SLC25A51: variants seen among roughly 807,000 people sequenced by gnomAD.
SLC25A51 encodes mitochondrial nicotinamide adenine dinucleotide transporter SLC25A51.
A neutral mutation model predicts 19.1 loss-of-function variants in SLC25A51; 11 were observed. The observed-to-expected ratio is 0.58, with a 90% CI of 0.36 to 0.96. The LOEUF (loss-of-function observed/expected upper bound fraction) is 0.96. Ranked by LOEUF, SLC25A51 falls within the 40% of genes least tolerant of loss-of-function variation. SLC25A51 has a pLI of 0.01. For synonymous variants in SLC25A51, 105 were observed against 133.6 expected (o/e 0.79, Z 1.47); for missense variants, 201 against 365.4 (o/e 0.55, Z 3.67).
chr9:37,885,366 A>AAC (rs1554693033), downstream of SLC25A51, among the ~76,000 whole-genome samples: 1 of 143,494 alleles, frequency 7.0e-6, no homozygotes, highest in Non-Finnish European at 1.5e-5. Flanking sequence ...AAAAAAAAAA[A>AAC]AACCTTGTAT....
chr9:37,895,631 A>G (rs7030885), intron 2 of SLC25A51, among the ~76,000 whole-genome samples: 11,184 of 152,134 alleles, frequency 0.074, 1,128 homozygotes, highest in African/African-American at 0.22. Context: ...AGTATCTTTT[A>G]GATATGAAGC....
At chr9:37,891,951 A>C (rs1366435216) in intron 2 of SLC25A51, among the ~76,000 whole-genome samples, 1 of 151,444 alleles carries the variant, frequency 6.6e-6, no homozygotes, top group African/African-American at 2.4e-5. Context: ...CAGGCTTTTA[A>C]CAGCAAATAA....
At chr9:37,902,536 G>A (rs1030403639) in intron 1 of SLC25A51, among the ~76,000 whole-genome samples, 5 of 152,184 alleles carry the variant, frequency 3.3e-5, no homozygotes, top group African/African-American at 9.7e-5. Flanking sequence ...AGGATAATGT[G>A]CACAGCATTA....
intron 2 of SLC25A51, among the ~76,000 whole-genome samples, chr9:37,898,480 C>T (rs1035680531): frequency 6.6e-6 from 1 of 151,402 alleles, no homozygotes; most frequent in East Asian, 1.9e-4. Flanking sequence ...GCTTGAACCT[C>T]GGAGGCGGAG....
At chr9:37,898,511 T>C (rs1306885322) in intron 2 of SLC25A51, among the ~76,000 whole-genome samples, 1 of 150,554 alleles carries the variant, frequency 6.6e-6, no homozygotes, top group African/African-American at 2.5e-5. Flanking sequence ...GTTGAGATTA[T>C]GCCATTGCAC....
intron 2 of SLC25A51, among the ~76,000 whole-genome samples, chr9:37,889,463 G>T (rs1313118887): frequency 6.6e-6 from 1 of 152,138 alleles, no homozygotes; most frequent in Non-Finnish European, 1.5e-5. Flanking sequence ...GAAGGTGGAG[G>T]TGTGGGATGA....
At chr9:37,897,928 T>G (rs560244351) in intron 2 of SLC25A51, among the ~76,000 whole-genome samples, 29 of 152,282 alleles carry the variant, frequency 1.9e-4, no homozygotes, top group Non-Finnish European at 3.4e-4. Flanking sequence ...CCCCTGCCCA[T>G]CTGTAGGACT....
downstream of SLC25A51, chr9:37,885,533 G>A (rs1831434470): frequency 5.1e-6 from 3 of 585,296 alleles, no homozygotes; most frequent in African/African-American, 1.9e-5. Flanking sequence ...AGGACTACAG[G>A]CGCCCGCCAC....
downstream of SLC25A51, chr9:37,886,022 C>G: frequency 3.7e-5 from 59 of 1,613,598 alleles, no homozygotes; most frequent in Non-Finnish European, 5.0e-5. Flanking sequence ...ATCATTTGCC[C>G]CTATCTATGC....
downstream of SLC25A51, chr9:37,885,701 G>T: frequency 7.2e-7 from 1 of 1,387,606 alleles, no homozygotes; most frequent in Non-Finnish European, 1.0e-6. Context: ...CGGAGATCCT[G>T]ATGTTTCTCA....
chr9:37,899,988 C>CTTTTTTTTTT lies in SLC25A51; in HGVS notation c.-164-48_-164-39dup, dbSNP rs35821924. ...AAAATTCTGGTTTAATTTATATAGC[C>CTTTTTTTTTT]TTTTTTTTTTTTTTTTTTTTTTTTT... On this transcript the variant is annotated intron_variant, in intron 1 of 2. Coordinates refer to ENST00000242275, the MANE Select transcript of SLC25A51 (RefSeq NM_033412.4). 38 of 57,084 alleles carry CTTTTTTTTTT rather than the reference C, an allele frequency of 6.7e-4. 6 individuals are homozygous for CTTTTTTTTTT. Among genetic ancestry groups the CTTTTTTTTTT allele is most frequent in the East Asian group, 1.9e-3 (3 of 1,616 alleles). 3.5% of individuals were successfully genotyped at this position (57,084 alleles called of 1,614,324 possible).
At chr9:37,890,290 G>A (rs1267501959) in intron 2 of SLC25A51, among the ~76,000 whole-genome samples, 3 of 152,276 alleles carry the variant, frequency 2.0e-5, no homozygotes, top group South Asian at 2.1e-4. Flanking sequence ...ATGCTGAGGT[G>A]GGAGGATCAA....
chr9:37,884,970 A>T (rs1831416634), downstream of SLC25A51, among the ~76,000 whole-genome samples: 1 of 152,250 alleles, frequency 6.6e-6, no homozygotes, highest in African/African-American at 2.4e-5. Flanking sequence ...GAAATAGTAT[A>T]ATGCCTATCC....
rs115223451 is a variant in SLC25A51 at position 37,900,222 on chromosome 9, G to A, written c.-164-272C>T. On this transcript the variant is annotated intron_variant, in intron 1 of 2. Transcript: ENST00000242275. ...ATCACTTTGGGAGGCCAAGGCAGGC[G>A]AATCATGAATGAGGTCAGGAAATCG... is the stretch of plus-strand genomic sequence containing the variant. Among the ~76,000 whole-genome samples, 957 of 151,718 alleles carry A rather than the reference G, an allele frequency of 6.3e-3. 11 individuals are homozygous for A. The highest frequency in any genetic ancestry group is 0.022 in the African/African-American group (913 of 41,418).
intron 1 of SLC25A51, 193 bp downstream of exon 1, chr9:37,903,875 C>G (rs966189420): frequency 4.6e-5 from 7 of 152,344 alleles, no homozygotes; most frequent in African/African-American, 1.4e-4. Flanking sequence ...GCCGAGGAGG[C>G]TCAGAACTGA....
chr9:37,881,128 TG>T (rs1831340727), intron 3 of SLC25A51, among the ~76,000 whole-genome samples: 1 of 151,304 alleles, frequency 6.6e-6, no homozygotes, highest in Admixed American at 6.6e-5. Flanking sequence ...ATTCACAATG[TG>T]GCTAAAACTT....
At chr9:37,891,668 A>G (rs1338038613) in intron 2 of SLC25A51, among the ~76,000 whole-genome samples, 2 of 152,016 alleles carry the variant, frequency 1.3e-5, no homozygotes, top group Non-Finnish European at 2.9e-5. Context: ...CATGCTCGTT[A>G]AGAGTCATCA....
downstream of SLC25A51, chr9:37,887,538 T>A: frequency 2.4e-6 from 3 of 1,249,800 alleles, no homozygotes; most frequent in Non-Finnish European, 2.2e-6. Flanking sequence ...CCACACCCAG[T>A]TGATGGCTTT....
chr9:37,898,188 A>G (rs947792042), intron 2 of SLC25A51, among the ~76,000 whole-genome samples: 2 of 152,246 alleles, frequency 1.3e-5, no homozygotes, highest in Admixed American at 6.5e-5. Flanking sequence ...AAGCAGGCAG[A>G]TCACTTGAGG....
Sources: allele counts gnomAD v4.1 joint callset (sites outside exome capture counted in the v4.1 genomes callset), GRCh38; gene constraint gnomAD v4.1.1; transcripts MANE v1.5; gene names NCBI Gene and HGNC (gene_info 2026-07-23, HGNC 2026-07-21).